NDST4: variants seen among roughly 807,000 people sequenced by gnomAD.
The protein encoded by NDST4 is N-heparan sulfate sulfotransferase 4.
In NDST4, 63 loss-of-function variants were observed where a neutral mutation model predicts 100.8. That is an observed-to-expected ratio of 0.62 (90% CI 0.51 to 0.77). The LOEUF (loss-of-function observed/expected upper bound fraction) is 0.77, where lower values mean the gene tolerates loss of function less well. NDST4 is among the 30% of genes least tolerant of loss of function. NDST4 has a pLI of 0.00. For synonymous variants in NDST4, 377 were observed against 361.8 expected, an observed-to-expected ratio of 1.04 and a Z score of -0.48; for missense variants, 943 against 1,018.4, an observed-to-expected ratio of 0.93 and a Z score of 1.01.
At chr4:115,046,374 T>C (rs1228092660) in intron 2 of NDST4, among the ~76,000 whole-genome samples, 2 of 152,168 alleles carry the variant, frequency 1.3e-5, no homozygotes, top group African/African-American at 4.8e-5. Context: ...ATAGGTTCCA[T>C]TTACTAAAAA....
In NDST4 at chr4:114,944,396, G is replaced by T. The variant is rs181816471; in HGVS notation, c.1222-6893C>A. Among the ~76,000 whole-genome samples the T allele has an allele frequency of 3.6e-3, 551 of 152,296 alleles. 4 individuals carry two copies. The highest frequency in any genetic ancestry group is 0.012 in the African/African-American group (501 of 41,564). ...TAACTCTCTCCATCTCAACTCTGAT[G>T]ATCTTTTTTCGCCTCTTCCCCTTCA... On this transcript the variant is annotated intron_variant, in intron 4 of 13. Transcript: ENST00000264363.
At chr4:114,959,803 A>C (rs969400405) in intron 4 of NDST4, among the ~76,000 whole-genome samples, 3 of 152,240 alleles carry the variant, frequency 2.0e-5, no homozygotes, top group Non-Finnish European at 4.4e-5. Flanking sequence ...GGACACTATT[A>C]AATGTACCAA....
At chr4:114,904,503 A>G (rs1201901431) in intron 6 of NDST4, among the ~76,000 whole-genome samples, 1 of 151,896 alleles carries the variant, frequency 6.6e-6, no homozygotes, top group Non-Finnish European at 1.5e-5. Flanking sequence ...ATGATACCAG[A>G]TTGCTTAAAA....
intron 4 of NDST4, among the ~76,000 whole-genome samples, chr4:114,962,200 A>C (rs1232744020): frequency 6.6e-6 from 1 of 152,112 alleles, no homozygotes; most frequent in Non-Finnish European, 1.5e-5. Flanking sequence ...AGCTAACATC[A>C]TGCCTAATGG....
At chr4:115,040,751 T>C (rs1360319366) in intron 2 of NDST4, among the ~76,000 whole-genome samples, 1 of 152,058 alleles carries the variant, frequency 6.6e-6, no homozygotes, top group Non-Finnish European at 1.5e-5. Flanking sequence ...TGAAACATTT[T>C]GCTCTACTAA....
intron 2 of NDST4, among the ~76,000 whole-genome samples, chr4:114,990,752 A>G (rs1034592839): frequency 9.2e-5 from 14 of 152,098 alleles, no homozygotes; most frequent in African/African-American, 3.4e-4. Context: ...CTGTGGTAAC[A>G]TTTCATGGCT....
chr4:115,094,091 A>G (rs2126295902), intron 1 of NDST4, among the ~76,000 whole-genome samples: 1 of 152,164 alleles, frequency 6.6e-6, no homozygotes, highest in Non-Finnish European at 1.5e-5. Context: ...AGAGAAAGTA[A>G]ACTACATCTG....
chr4:114,901,488 C>A (rs184139852), intron 6 of NDST4, among the ~76,000 whole-genome samples: 129 of 151,964 alleles, frequency 8.5e-4, no homozygotes, highest in Non-Finnish European at 1.4e-3. Context: ...ATTTATCTTT[C>A]TCCGTTTATT....
chr4:115,004,989 C>T (rs1372639026), intron 2 of NDST4, among the ~76,000 whole-genome samples: 1 of 152,012 alleles, frequency 6.6e-6, no homozygotes, highest in African/African-American at 2.4e-5. Context: ...GAACTGGATT[C>T]TTTAATTTTA....
At chr4:114,941,400 A>G (rs1725747253) in intron 4 of NDST4, among the ~76,000 whole-genome samples, 1 of 151,800 alleles carries the variant, frequency 6.6e-6, no homozygotes, top group Non-Finnish European at 1.5e-5. Flanking sequence ...TTTAATATGC[A>G]TGTTTCTGAA....
intron 6 of NDST4, among the ~76,000 whole-genome samples, chr4:114,901,774 T>C (rs1368831729): frequency 6.6e-6 from 1 of 151,890 alleles, no homozygotes; most frequent in African/African-American, 2.4e-5. Context: ...TTGTATTTTC[T>C]CTCTTATAGC....
intron 2 of NDST4, among the ~76,000 whole-genome samples, chr4:114,993,663 A>T (rs1727098765): frequency 6.6e-6 from 1 of 151,970 alleles, no homozygotes; most frequent in Admixed American, 6.6e-5. Context: ...GCAACTGCTC[A>T]TCTAGGTGTT....
chr4:114,843,333 T>G (rs1425592907), intron 10 of NDST4, among the ~76,000 whole-genome samples: 3 of 152,200 alleles, frequency 2.0e-5, no homozygotes, highest in African/African-American at 7.2e-5. Context: ...CATTCTTTCC[T>G]GTATCTCCGC....
At chr4:115,029,298 T>C (rs534148071) in intron 2 of NDST4, among the ~76,000 whole-genome samples, 5 of 152,086 alleles carry the variant, frequency 3.3e-5, no homozygotes, top group Admixed American at 1.3e-4. Flanking sequence ...GGTTGAAAAA[T>C]AGAGCAGCCA....
At chr4:114,927,673 T>C (rs1180765054) in intron 6 of NDST4, among the ~76,000 whole-genome samples, 3 of 152,112 alleles carry the variant, frequency 2.0e-5, no homozygotes, top group African/African-American at 7.2e-5. Context: ...CTGATGAACA[T>C]ACTAAAATAA....
intron 4 of NDST4, among the ~76,000 whole-genome samples, chr4:114,946,010 C>G (rs1439746116): frequency 6.6e-6 from 1 of 152,160 alleles, no homozygotes; most frequent in East Asian, 1.9e-4. Flanking sequence ...CCTCTACAGT[C>G]TTGAACTTTC....
intron 2 of NDST4, among the ~76,000 whole-genome samples, chr4:115,023,440 G>A (rs540604891): frequency 4.2e-4 from 62 of 148,202 alleles, no homozygotes; most frequent in African/African-American, 1.1e-3. Context: ...AGCCGAGATC[G>A]TGCCATTGCA....
At chr4:114,847,375 C>CAAAAAAAAAAAAAAAAAA (rs57987259) in intron 9 of NDST4, among the ~76,000 whole-genome samples, 1 of 18,244 alleles carries the variant, frequency 5.5e-5, no homozygotes, top group Non-Finnish European at 8.8e-5. Flanking sequence ...GACTCCGTCT[C>CAAAAAAAAAAAAAAAAAA]AAAAAAAAAA....
chr4:114,831,951 G>T (rs1292644726), intron 12 of NDST4, among the ~76,000 whole-genome samples: 1 of 151,950 alleles, frequency 6.6e-6, no homozygotes, highest in Non-Finnish European at 1.5e-5. Flanking sequence ...AGTTGGTTGT[G>T]GTTTGAGTTT....
Sources: allele counts gnomAD v4.1 joint callset (sites outside exome capture counted in the v4.1 genomes callset), GRCh38; gene constraint gnomAD v4.1.1; transcripts MANE v1.5; gene names NCBI Gene and HGNC (gene_info 2026-07-23, HGNC 2026-07-21).